The following GPHN variants were observed in gnomAD, a reference collection of about 807,000 sequenced individuals.
GPHN encodes gephyrin.
GPHN carries 17 observed loss-of-function variants against 95.5 expected under a neutral mutation model. The observed-to-expected ratio is 0.18, with a 90% confidence interval of 0.12 to 0.27. GPHN has a LOEUF of 0.27. Among genes scored for constraint, GPHN ranks in the 10% least tolerant of loss-of-function variants. GPHN has a pLI of 1.00. For synonymous variants in GPHN, 320 were observed against 322.5 expected (o/e 0.99, Z 0.08); for missense variants, 660 against 978.1 (o/e 0.67, Z 4.34).
chr14:67,253,130 G>GACAATGA, the GPHN span, among the ~76,000 whole-genome samples: 8 of 152,208 alleles, frequency 5.3e-5, no homozygotes, highest in Non-Finnish European at 1.2e-4. Context: ...ACTTGTGTGT[G>GACAATGA]ACAATGAACA....
chr14:66,930,811 T>C (rs1278400252), intron 8 of GPHN, among the ~76,000 whole-genome samples: 1 of 152,180 alleles, frequency 6.6e-6, no homozygotes, highest in Non-Finnish European at 1.5e-5. Flanking sequence ...AGGCATGAGC[T>C]ACCATGCCTA....
rs536490045 is a variant in GPHN at position 66,704,507 on chromosome 14, T to A, written c.143+23322T>A. ...AAGTTAGAACTCAGGATTAAGAAACTCACTCAAAACCACACAATTGCATGG... is the reference window on the plus strand; with the variant it reads ...AAGTTAGAACTCAGGATTAAGAAACACACTCAAAACCACACAATTGCATGG... On this transcript the variant is annotated intron_variant, in intron 2 of 22. Coordinates refer to ENST00000478722, the MANE Select transcript of GPHN (RefSeq NM_020806.5). Among the ~76,000 whole-genome samples the A allele has an allele frequency of 2.6e-5, 4 of 152,090 alleles. No homozygotes were observed. In the East Asian group the frequency reaches 5.8e-4, roughly 22 times the overall value.
the GPHN span, chr14:67,600,231 C>T: frequency 4.6e-6 from 7 of 1,536,652 alleles, no homozygotes; most frequent in Non-Finnish European, 6.1e-6. Flanking sequence ...GCCCGCACCG[C>T]GCGGCGCTGC....
the GPHN span, chr14:67,392,191 G>C: frequency 1.5e-6 from 1 of 669,114 alleles, no homozygotes; most frequent in Admixed American, 2.2e-5. Context: ...GCTGGTGCTG[G>C]GCTCTTGCTT....
intron 1 of GPHN, among the ~76,000 whole-genome samples, chr14:66,655,240 ATC>A (rs1328498816): frequency 1.3e-5 from 2 of 152,146 alleles, no homozygotes; most frequent in African/African-American, 4.8e-5. Context: ...GAGTCTAACA[ATC>A]TGTTATTCTG....
At chr14:67,410,967 G>A in the GPHN span, among the ~76,000 whole-genome samples, 23 of 151,858 alleles carry the variant, frequency 1.5e-4, no homozygotes, top group African/African-American at 5.6e-4. Flanking sequence ...GAAACATGGC[G>A]AAACCCTGTC....
the GPHN span, among the ~76,000 whole-genome samples, chr14:67,528,052 C>T: frequency 6.6e-6 from 1 of 152,308 alleles, no homozygotes; most frequent in South Asian, 2.1e-4. Context: ...TGTATGAACA[C>T]AGGACCTCTC....
chr14:67,426,531 C>T, the GPHN span, among the ~76,000 whole-genome samples: 1 of 152,172 alleles, frequency 6.6e-6, no homozygotes, highest in East Asian at 1.9e-4. Flanking sequence ...AAATGGTAGG[C>T]TGCCGGGTTC....
the GPHN span, among the ~76,000 whole-genome samples, chr14:67,284,595 G>GCAATCATCA: frequency 1.8e-5 from 2 of 113,792 alleles, no homozygotes; most frequent in East Asian, 4.7e-4. Flanking sequence ...AAAAGGTTGT[G>GCAATCATCA]CAATCATCAC....
the GPHN span, among the ~76,000 whole-genome samples, chr14:67,275,936 A>C: frequency 6.6e-6 from 1 of 152,120 alleles, no homozygotes; most frequent in Non-Finnish European, 1.5e-5. Flanking sequence ...CTCTGATGGT[A>C]GTTTGTATTT....
the GPHN span, among the ~76,000 whole-genome samples, chr14:67,348,385 T>C: frequency 4.6e-5 from 7 of 151,852 alleles, no homozygotes; most frequent in African/African-American, 1.7e-4. Context: ...TTTGTATTCT[T>C]TGGTAAAGAT....
the GPHN span, chr14:67,336,670 C>CTT: frequency 2.2e-6 from 1 of 454,888 alleles, no homozygotes; most frequent in Non-Finnish European, 4.4e-6. Context: ...CAGCTGTGCT[C>CTT]TTTGACTTGT....
Position 66,662,887 on chromosome 14 carries a change from A to C in GPHN, c.65-18220A>C, listed in dbSNP as rs2065745321. ...GAGGAAAGAATCCCAGAGCTTGAAG[A>C]CTGTCTTTCTGAAATAAGACAGGCA... On this transcript the variant is annotated intron_variant, in intron 1 of 22. Transcript: ENST00000478722. Among the ~76,000 whole-genome samples, 4 of 152,334 alleles carry C rather than the reference A, an allele frequency of 2.6e-5. No individual in the cohort carries two copies. The South Asian group carries it at 8.3e-4, about 32-fold the overall frequency.
chr14:66,973,639 A>T (rs10136073), intron 9 of GPHN, among the ~76,000 whole-genome samples: 4 of 151,872 alleles, frequency 2.6e-5, no homozygotes, highest in African/African-American at 9.7e-5. Context: ...GGCGCCTGTA[A>T]TCCCAGCTAC....
chr14:66,923,095 C>T (rs756807284), intron 7 of GPHN, among the ~76,000 whole-genome samples, 157 bp downstream of exon 7: 23 of 152,146 alleles, frequency 1.5e-4, no homozygotes, highest in Non-Finnish European at 2.9e-4. Flanking sequence ...TACTATGTTT[C>T]CTTCTTGATA....
At chr14:67,372,711 C>G in the GPHN span, among the ~76,000 whole-genome samples, 1 of 151,908 alleles carries the variant, frequency 6.6e-6, no homozygotes, top group Non-Finnish European at 1.5e-5. Flanking sequence ...GCCTGTAGTC[C>G]CAGCTACTCA....
the GPHN span, chr14:67,581,951 T>G: frequency 9.8e-7 from 1 of 1,017,132 alleles, no homozygotes; most frequent in Non-Finnish European, 1.4e-6. Context: ...AATAGGCTCA[T>G]AAATAGTGGG....
chr14:67,437,535 C>A, the GPHN span, among the ~76,000 whole-genome samples: 3 of 152,152 alleles, frequency 2.0e-5, no homozygotes, highest in Non-Finnish European at 4.4e-5. Context: ...AATGTCCAAA[C>A]CTCACGGCGG....
At chr14:67,699,530 C>T in the GPHN span, among the ~76,000 whole-genome samples, 1 of 139,592 alleles carries the variant, frequency 7.2e-6, no homozygotes, top group South Asian at 2.2e-4. Context: ...GTTGAGGCTG[C>T]AGTGAGCTGT....
Sources: allele counts gnomAD v4.1 joint callset (sites outside exome capture counted in the v4.1 genomes callset), GRCh38; gene constraint gnomAD v4.1.1; transcripts MANE v1.5; gene names NCBI Gene and HGNC (gene_info 2026-07-23, HGNC 2026-07-21).